The following SLC6A18 variants were observed in gnomAD, a reference collection of about 807,000 sequenced individuals.
The protein encoded by SLC6A18 is inactive sodium-dependent neutral amino acid transporter B(0)AT3.
In SLC6A18, 58 loss-of-function variants were observed where a neutral mutation model predicts 62.9. The observed-to-expected ratio is 0.92, with a 90% CI of 0.75 to 1.15. The LOEUF (loss-of-function observed/expected upper bound fraction) is 1.15, where lower values mean the gene tolerates loss of function less well. SLC6A18 is among the 50% of genes most tolerant of loss of function. The pLI is 0.00. For synonymous variants in SLC6A18, 382 were observed against 365.8 expected, an observed-to-expected ratio of 1.04 and a Z score of -0.51; for missense variants, 793 against 836.6, an observed-to-expected ratio of 0.95 and a Z score of 0.64.
Position 1,245,999 on chromosome 5 carries a change from C to T in SLC6A18, c.1808C>T (p.Ala603Val), listed in dbSNP as rs1561182302. ...RRRRTWRDRD[A>V]RPDTDMRPDT... ...AGGCGGACGTGGAGGGACAGGGACG[C>T]GCGCCCAGACACGGACATGCGCCCG... The change falls in exon 12 of 12, where the codon GCG (alanine) becomes GTG (valine). Residue 603 changes from alanine (A) to valine (V), a missense_variant. Ala to Val is a moderately conservative substitution (Grantham distance 64). Coordinates refer to ENST00000324642, the MANE Select transcript of SLC6A18 (RefSeq NM_182632.3). The T allele has an allele frequency of 3.1e-6, 5 of 1,596,140 alleles. No individual in the cohort carries two copies. Among genetic ancestry groups the T allele is most frequent in the African/African-American group, 1.3e-5 (1 of 74,694 alleles).
Position 1,239,451 on chromosome 5 carries a change from T to G in SLC6A18, c.734T>G (p.Met245Arg). The G allele has an allele frequency of 6.2e-7, 1 of 1,612,444 alleles. No individual in the cohort carries two copies. Among genetic ancestry groups the G allele is most frequent in the Non-Finnish European group, 8.5e-7 (1 of 1,178,486 alleles). ...KGLIYLFTPNMHILQNPRVWL... is the reference protein window; with the variant it reads ...KGLIYLFTPNRHILQNPRVWL... The stretch of plus-strand genomic sequence containing the variant: ...GACGCTCTCCCTGACTCATTCCAGA[T>G]GCACATTCTCCAGAACCCCCGGGTG... The change falls in exon 6 of 12, where the codon ATG becomes AGG. Residue 245 changes from methionine to arginine, a missense_variant and splice_region_variant. Coordinates refer to ENST00000324642, the MANE Select transcript of SLC6A18 (RefSeq NM_182632.3).
intron 3 of SLC6A18, among the ~76,000 whole-genome samples, chr5:1,233,748 A>ATTTTTTTTT: frequency 9.9e-6 from 1 of 100,670 alleles, no homozygotes; most frequent in East Asian, 2.1e-4. Flanking sequence ...ACACTCAGCT[A>ATTTTTTTTT]ATTTTTTTTT....
intron 8 of SLC6A18, 93 bp downstream of exon 8, chr5:1,242,956 A>G (rs1210284776): frequency 7.1e-7 from 1 of 1,403,126 alleles, no homozygotes; most frequent in African/African-American, 1.4e-5. Context: ...GGCTGCAAAC[A>G]ATTCCCACAG....
chr5:1,232,277 C>T lies in SLC6A18; in HGVS notation c.219C>T (p.His73=), dbSNP rs777330988. ...ALVFEGIPIF[H]VELAIGQRLR... ...TCTTCGAGGGGATCCCCATTTTCCA[C>T]GTCGAGCTCGCCATCGGCCAGCGGC... The change falls in exon 2 of 12, where the codon CAC becomes CAT. Residue 73 remains histidine (H), a synonymous_variant. Coordinates refer to ENST00000324642, the MANE Select transcript of SLC6A18 (RefSeq NM_182632.3). 19 of 1,613,010 alleles carry T rather than the reference C, an allele frequency of 1.2e-5. No individual in the cohort carries two copies. The highest frequency in any genetic ancestry group is 4.0e-5 in the African/African-American group (3 of 75,058).
In SLC6A18 at chr5:1,235,584, G is replaced by C; in HGVS notation, c.543G>C (p.Trp181Cys). Residue 181 changes from tryptophan to cysteine, a missense_variant, in exon 4 of 12, where the codon TGG (tryptophan) becomes TGC (cysteine). Transcript: ENST00000324642. ...TCAATGACAGTGGCTCCATCCAGTG[G>C]TGGCTGCTCATCTGCTTGGCAGCCT... ...ADINDSGSIQ[W>C]WLLICLAASW... 1 of 1,614,056 alleles carries C rather than the reference G, an allele frequency of 6.2e-7. No homozygotes were observed. The highest frequency in any genetic ancestry group is 2.2e-5 in the East Asian group (1 of 44,880).
chr5:1,226,996 C>CCACCGATGCCTTGCT (rs1746593400), intron 1 of SLC6A18, among the ~76,000 whole-genome samples: 3 of 150,920 alleles, frequency 2.0e-5, no homozygotes, highest in Admixed American at 1.3e-4. Context: ...GATGCCTTGC[C>CCACCGATGCCTTGCT]CACCGATGCC....
intron 9 of SLC6A18, 146 bp from the exon 10 acceptor site, chr5:1,244,068 G>A: frequency 1.5e-6 from 1 of 679,470 alleles, no homozygotes; most frequent in South Asian, 1.9e-5. Context: ...GATGGAGGGT[G>A]GGAAGCCGAG....
At chr5:1,239,306 T>C in intron 5 of SLC6A18, 144 bp from the exon 6 acceptor site, 1 of 632,458 alleles carries the variant, frequency 1.6e-6, no homozygotes. Context: ...ACCTGCGTGG[T>C]CCTACCCTGT....
At chr5:1,232,975 G>T (rs1268194501) in intron 3 of SLC6A18, 87 bp downstream of exon 3, 1 of 1,514,280 alleles carries the variant, frequency 6.6e-7, no homozygotes, top group Admixed American at 2.0e-5. Flanking sequence ...AGCAGCTGCG[G>T]GTGGCGGATG....
chr5:1,227,994 G>A (rs966745547), intron 1 of SLC6A18, among the ~76,000 whole-genome samples: 11 of 152,316 alleles, frequency 7.2e-5, no homozygotes, highest in Middle Eastern at 3.4e-3. Flanking sequence ...TCCTGCCTCC[G>A]GTGTTCAACC....
intron 3 of SLC6A18, among the ~76,000 whole-genome samples, chr5:1,233,765 G>C (rs1339520528): frequency 1.2e-5 from 1 of 83,664 alleles, no homozygotes; most frequent in Non-Finnish European, 3.0e-5. Context: ...TTTTTGAGAC[G>C]GAGTCTTGCT....
chr5:1,244,646 C>G lies in SLC6A18; in HGVS notation c.1535C>G (p.Pro512Arg). The change falls in exon 11 of 12, where the codon CCC becomes CGC. Residue 512 changes from proline to arginine, a missense_variant. By Grantham distance (103) the Pro-to-Arg change is moderately radical. Transcript: ENST00000324642. ...ATTGCGTGGATGACCGGGAGGCGGC[C>G]CAGCCCCTACTGGCGGCTGACCTGG... Reference protein sequence around the residue: ...DDIAWMTGRRPSPYWRLTWRV... With the variant: ...DDIAWMTGRRRSPYWRLTWRV... The G allele has an allele frequency of 1.9e-6, 3 of 1,609,974 alleles. No individual in the cohort carries two copies. The highest frequency in any genetic ancestry group is 1.3e-5 in the African/African-American group (1 of 74,952).
intron 7 of SLC6A18, among the ~76,000 whole-genome samples, chr5:1,242,440 G>A (rs1450515789): frequency 8.4e-5 from 3 of 35,868 alleles, no homozygotes; most frequent in African/African-American, 1.4e-4. Flanking sequence ...ATCCCAACAG[G>A]GGCAGGAGGC....
intron 9 of SLC6A18, 37 bp from the exon 10 acceptor site, chr5:1,244,177 T>TCCCCCTTCCCCCCCCCC: frequency 2.6e-6 from 1 of 387,122 alleles, no homozygotes; most frequent in Non-Finnish European, 4.7e-6. Flanking sequence ...CCACTCCCCA[T>TCCCCCTTCCCCCCCCCC]CCCCTTACCC....
intron 10 of SLC6A18, 103 bp from the exon 11 acceptor site, chr5:1,244,505 A>G (rs1747161667): frequency 5.2e-6 from 8 of 1,547,236 alleles, no homozygotes; most frequent in Non-Finnish European, 7.0e-6. Context: ...CTGCCGAGGC[A>G]CCAGAGGGTG....
In SLC6A18 at chr5:1,242,857, G is replaced by A; in HGVS notation, c.1125G>A (p.Leu375=). The A allele has an allele frequency of 1.9e-6, 3 of 1,609,430 alleles. No individual in the cohort carries two copies. Among genetic ancestry groups the A allele is most frequent in the Non-Finnish European group, 2.5e-6 (3 of 1,177,496 alleles). The change falls in exon 8 of 12, where the codon CTG becomes CTA. Residue 375 remains leucine (L), a synonymous_variant. Transcript: ENST00000324642. ...AGGCCTGCCTCCTGGAAGACTTTCT[G>A]GATAAGGTACCTGCACACCCCCTGG... The part of the protein sequence containing the change: ...PLKACLLEDF[L]DKSASGPGLA...
intron 6 of SLC6A18, 117 bp downstream of exon 6, chr5:1,239,679 G>A (rs535647345): frequency 1.3e-6 from 1 of 774,358 alleles, no homozygotes; most frequent in African/African-American, 1.7e-5. Context: ...CCTGAGATAA[G>A]AACCTCACGC....
intron 1 of SLC6A18, among the ~76,000 whole-genome samples, chr5:1,230,471 T>G (rs1746703824): frequency 6.6e-6 from 1 of 152,142 alleles, no homozygotes; most frequent in Non-Finnish European, 1.5e-5. Flanking sequence ...CTTCAATGCT[T>G]GTCTTTCTGC....
intron 1 of SLC6A18, among the ~76,000 whole-genome samples, chr5:1,231,553 G>A (rs1746731025): frequency 6.6e-6 from 1 of 152,178 alleles, no homozygotes; most frequent in South Asian, 2.1e-4. Context: ...AAGCCGCCCT[G>A]GGGTCCCTGG....
Sources: allele counts gnomAD v4.1 joint callset (sites outside exome capture counted in the v4.1 genomes callset), GRCh38; gene constraint gnomAD v4.1.1; transcripts MANE v1.5; gene names NCBI Gene and HGNC (gene_info 2026-07-23, HGNC 2026-07-21).